AIDA: variants seen among roughly 807,000 people sequenced by gnomAD.
The protein encoded by AIDA is axin interactor, dorsalization associated.
A neutral mutation model predicts 42.7 loss-of-function variants in AIDA; 18 were observed. That is an observed-to-expected ratio of 0.42 (90% CI 0.29 to 0.63). AIDA has a LOEUF of 0.63. Among genes scored for constraint, AIDA ranks in the 20% least tolerant of loss-of-function variants. AIDA has a pLI of 0.19. For missense variants in AIDA, 250 were observed against 354.1 expected (o/e 0.71, Z 2.36); for synonymous variants, 104 against 122.9 (o/e 0.85, Z 1.02).
At position 222,668,981 on chromosome 1, in the gene AIDA, A is replaced by G. The variant is rs1012379607; in HGVS notation, c.*912T>C. ...CAGATTTTGCATACTCCTCACTGTA[A>G]GAAGAGGTATGCAGGTTTTAAGGTT... On this transcript the variant is annotated 3_prime_UTR_variant, in exon 10 of 10. Coordinates refer to ENST00000340020, the MANE Select transcript of AIDA (RefSeq NM_022831.4). 3 of 152,162 alleles carry G rather than the reference A, an allele frequency of 2.0e-5. No homozygotes were observed. Among genetic ancestry groups the G allele is most frequent in the African/African-American group, 7.2e-5 (3 of 41,430 alleles). 9.4% of individuals were successfully genotyped at this position (152,162 alleles called of 1,614,324 possible).
At chr1:222,686,893 A>C (rs1202888610) in intron 6 of AIDA, 37 bp downstream of exon 6, 1 of 1,594,344 alleles carries the variant, frequency 6.3e-7, no homozygotes. Context: ...CTCTGGTTGC[A>C]GTTAAATAAT....
At chr1:222,680,687 C>T (rs561282332) in intron 6 of AIDA, among the ~76,000 whole-genome samples, 2 of 152,152 alleles carry the variant, frequency 1.3e-5, no homozygotes, top group East Asian at 3.9e-4. Flanking sequence ...ATCGAGAAAT[C>T]GCAACTACAA....
At chr1:222,699,095 G>A (rs1655606591) in intron 2 of AIDA, among the ~76,000 whole-genome samples, 1 of 152,190 alleles carries the variant, frequency 6.6e-6, no homozygotes, top group African/African-American at 2.4e-5. Flanking sequence ...AAAGTGCTGC[G>A]ATTACAGGTG....
In AIDA at chr1:222,687,763, A is replaced by C. The variant is rs1329563675; in HGVS notation, c.290-105T>G. 3.4e-6 allele frequency: 3 copies of C among 889,080 alleles called. No homozygotes were observed. The East Asian group carries it at 1.0e-4, about 30-fold the overall frequency. 55.1% of individuals were successfully genotyped at this position (889,080 alleles called of 1,614,324 possible). On this transcript the variant is annotated intron_variant, in intron 4 of 9. Transcript: ENST00000340020. ...TCAATTTTATTGTGCATATTAATAT[A>C]TATAAATTCCCAGCCTTACCACCAT... is the stretch of plus-strand genomic sequence containing the variant.
chr1:222,698,766 AG>A (rs1655594387), intron 2 of AIDA, among the ~76,000 whole-genome samples: 1 of 150,768 alleles, frequency 6.6e-6, no homozygotes, highest in Non-Finnish European at 1.5e-5. Flanking sequence ...AATATTTTTA[AG>A]GGCTCACTGT....
At chr1:222,695,888 T>C (rs1407903188) in intron 2 of AIDA, among the ~76,000 whole-genome samples, 1 of 152,184 alleles carries the variant, frequency 6.6e-6, no homozygotes, top group Admixed American at 6.5e-5. Context: ...TTTTCTCTTT[T>C]ATCAATTTTC....
intron 4 of AIDA, among the ~76,000 whole-genome samples, chr1:222,692,741 GAGA>G (rs1206605089): frequency 2.0e-5 from 3 of 152,190 alleles, no homozygotes; most frequent in Non-Finnish European, 4.4e-5. Flanking sequence ...TAGGGGAACA[GAGA>G]AAGATGGGAC....
rs1007870307 is a variant in AIDA, at chr1:222,700,973, G to GC, written c.180+2174_180+2175insG. On this transcript the variant is annotated intron_variant, in intron 2 of 9. Transcript: ENST00000340020. ...TAGACTCATTTCTTGATTTTTTTTGGGGGGGGGGGGACAGGGTCTCACTGT... is the reference window on the plus strand; with the variant it reads ...TAGACTCATTTCTTGATTTTTTTTGGCGGGGGGGGGGACAGGGTCTCACTGT... Among the ~76,000 whole-genome samples the GC allele has an allele frequency of 2.4e-4, 30 of 127,278 alleles. 1 individual carries two copies. The highest frequency in any genetic ancestry group is 4.0e-4 in the Non-Finnish European group (24 of 60,712). The allele number at this position is 127,278 out of a possible 152,430, so 83.5% of individuals were successfully genotyped here.
intron 5 of AIDA, among the ~76,000 whole-genome samples, chr1:222,687,281 A>C (rs1473081205): frequency 2.6e-5 from 4 of 152,070 alleles, no homozygotes; most frequent in Admixed American, 6.6e-5. Context: ...ATACAAAAAA[A>C]TTAGCTGGGC....
intron 1 of AIDA, among the ~76,000 whole-genome samples, chr1:222,707,947 AAC>A (rs1468992972): frequency 2.0e-5 from 3 of 152,234 alleles, no homozygotes; most frequent in Non-Finnish European, 4.4e-5. Flanking sequence ...GCACAGCAGT[AAC>A]AGTTTACAGA....
chr1:222,686,401 T>C (rs563821599), intron 6 of AIDA, among the ~76,000 whole-genome samples: 4 of 152,132 alleles, frequency 2.6e-5, no homozygotes, highest in Non-Finnish European at 4.4e-5. Context: ...TAGTCTGGAA[T>C]TGTGGTCTGT....
intron 2 of AIDA, among the ~76,000 whole-genome samples, chr1:222,701,881 A>C (rs770770413): frequency 2.6e-5 from 4 of 151,742 alleles, no homozygotes; most frequent in Non-Finnish European, 5.9e-5. Context: ...ACACCACTAC[A>C]CTCAGCTAAT....
intron 4 of AIDA, 32 bp from the exon 5 acceptor site, chr1:222,687,690 T>C: frequency 1.4e-6 from 2 of 1,406,280 alleles, no homozygotes; most frequent in Non-Finnish European, 1.9e-6. Context: ...ACATGAATTC[T>C]TCCATGAAGC....
Position 222,677,076 on chromosome 1 carries a change from G to T in AIDA, c.461-858C>A, listed in dbSNP as rs951194063. On this transcript the variant is annotated intron_variant, in intron 6 of 9. Coordinates refer to ENST00000340020, the MANE Select transcript of AIDA (RefSeq NM_022831.4). ...TAAAGACTTCTTAATTTTCTCAATA[G>T]AATTTTTTTCTTTTCTTCACAAAAG... Among the ~76,000 whole-genome samples, 8 of 151,926 alleles carry T rather than the reference G, an allele frequency of 5.3e-5. No homozygotes were observed. In the South Asian group the frequency reaches 1.2e-3, roughly 24 times the overall value.
At chr1:222,687,190 G>A in intron 5 of AIDA, 154 bp from the exon 6 acceptor site, 1 of 779,054 alleles carries the variant, frequency 1.3e-6, no homozygotes, top group Non-Finnish European at 1.6e-6. Context: ...AGCACTTTTG[G>A]AGGCCGAGGC....
intron 4 of AIDA, among the ~76,000 whole-genome samples, chr1:222,692,945 A>G (rs1390157179): frequency 6.6e-6 from 1 of 152,224 alleles, no homozygotes; most frequent in Non-Finnish European, 1.5e-5. Context: ...TCAGCAAAAC[A>G]ACCAACCTAG....
intron 4 of AIDA, among the ~76,000 whole-genome samples, chr1:222,691,484 AAAGTAC>A (rs1414142760): frequency 6.6e-6 from 1 of 152,240 alleles, no homozygotes; most frequent in African/African-American, 2.4e-5. Context: ...AGAAAAATTT[AAAGTAC>A]AAGTATAAAC....
At chr1:222,675,465 C>A (rs565818220) in intron 7 of AIDA, among the ~76,000 whole-genome samples, 16 of 152,250 alleles carry the variant, frequency 1.1e-4, no homozygotes, top group East Asian at 1.9e-4. Context: ...GAGAAAAAAA[C>A]CAAATCCTAA....
At chr1:222,677,051 T>A (rs1326221707) in intron 6 of AIDA, among the ~76,000 whole-genome samples, 1 of 152,138 alleles carries the variant, frequency 6.6e-6, no homozygotes, top group Non-Finnish European at 1.5e-5. Flanking sequence ...CTCAACTTTT[T>A]AAAGACTTCT....
Sources: allele counts gnomAD v4.1 joint callset (sites outside exome capture counted in the v4.1 genomes callset), GRCh38; gene constraint gnomAD v4.1.1; transcripts MANE v1.5; gene names NCBI Gene and HGNC (gene_info 2026-07-23, HGNC 2026-07-21).